The following CREBBP variants were observed in gnomAD, a reference collection of about 807,000 sequenced individuals.
CREBBP encodes the protein CREB binding lysine acetyltransferase.
In CREBBP, 19 loss-of-function variants were observed where a neutral mutation model predicts 265.0. The ratio of observed to expected loss-of-function variants is 0.07; its 90% confidence interval spans 0.05 to 0.11. The LOEUF is 0.11. Among genes scored for constraint, CREBBP ranks in the 10% least tolerant of loss-of-function variants. The pLI, the probability that CREBBP is intolerant of heterozygous loss-of-function variation, is 1.00. For missense variants in CREBBP, 2,525 were observed against 3,219.0 expected, an observed-to-expected ratio of 0.78 and a Z score of 5.22; for synonymous variants, 1,457 against 1,223.7, an observed-to-expected ratio of 1.19 and a Z score of -3.98.
chr16:3,796,588 T>C (rs1249214708), intron 3 of CREBBP, among the ~76,000 whole-genome samples: 1 of 152,062 alleles, frequency 6.6e-6, no homozygotes, highest in African/African-American at 2.4e-5. Flanking sequence ...GGTTTCACCA[T>C]GTTGGCCAAG....
chr16:3,832,894 G>GAA (rs201248707), intron 2 of CREBBP, among the ~76,000 whole-genome samples: 1 of 143,996 alleles, frequency 6.9e-6, no homozygotes, highest in African/African-American at 2.5e-5. Context: ...CACATTCAAA[G>GAA]AAAAAAAAAA....
At chr16:3,758,266 TA>T (rs1166100855) in intron 17 of CREBBP, among the ~76,000 whole-genome samples, 1 of 152,154 alleles carries the variant, frequency 6.6e-6, no homozygotes, top group Non-Finnish European at 1.5e-5. Flanking sequence ...GATCACATTA[TA>T]ATACTCCAAA....
Position 3,767,728 on chromosome 16 carries a change from C to T in CREBBP, c.3242G>A (p.Arg1081His), listed in dbSNP as rs780618828. The change falls in exon 16 of 31, where the codon CGC becomes CAC. Residue 1081 changes from arginine (R) to histidine (H), a missense_variant. This residue lies in a region of CREBBP where 548 missense variants were observed against 533.0 expected (regional missense o/e 1.03). Transcript: ENST00000262367. ...ASQSTSPSQP[R>H]KKIFKPEELR... ...ATGAATAAATGGCCTACTTTTTTTG[C>T]GCGGCTGCGAAGGAGATGTTGACTG... 3 of 1,614,130 alleles carry T rather than the reference C, an allele frequency of 1.9e-6. No homozygotes were observed. The highest frequency in any genetic ancestry group is 2.5e-6 in the Non-Finnish European group (3 of 1,179,998).
At chr16:3,744,374 G>A (rs2052290765) in intron 23 of CREBBP, among the ~76,000 whole-genome samples, 1 of 152,168 alleles carries the variant, frequency 6.6e-6, no homozygotes, top group Non-Finnish European at 1.5e-5. Flanking sequence ...AGGGGTCTTA[G>A]GTCTAAACCA....
At chr16:3,787,070 C>CAAAAAAAAAAAAAAAAAAAAAAAAAAAAA (rs757962926) in intron 5 of CREBBP, among the ~76,000 whole-genome samples, 1 of 86,994 alleles carries the variant, frequency 1.1e-5, no homozygotes. Context: ...GACTTCGTCT[C>CAAAAAAAAAAAAAAAAAAAAAAAAAAAAA]AAAAAAAAAA....
In CREBBP at chr16:3,767,884, G is replaced by T. The variant is rs2052895952; in HGVS notation, c.3086C>A (p.Ala1029Asp). The change falls in exon 16 of 31, where the codon GCT becomes GAT. Residue 1029 changes from alanine (A) to aspartate (D), a missense_variant. Physicochemically the swap from Ala to Asp is moderately radical, Grantham distance 126. This residue lies in a region of CREBBP where 548 missense variants were observed against 533.0 expected (regional missense o/e 1.03). Transcript: ENST00000262367. ...SEMMEEDLQG[A>D]SQVKEETDIA... ...GTCTGTTTCTTCTTTAACTTGGGAA[G>T]CTCCTTGCAAATCCTCCTCCATCAT... 2 of 1,614,078 alleles carry T rather than the reference G, an allele frequency of 1.2e-6. No homozygotes were observed. Among genetic ancestry groups the T allele is most frequent in the Non-Finnish European group, 1.7e-6 (2 of 1,180,006 alleles).
intron 3 of CREBBP, among the ~76,000 whole-genome samples, chr16:3,803,315 G>A (rs921082425): frequency 3.6e-5 from 4 of 111,650 alleles, no homozygotes; most frequent in Non-Finnish European, 5.1e-5. Flanking sequence ...GACCAGCCTG[G>A]CCAACATGCC....
chr16:3,790,765 A>T (rs1347695734), intron 5 of CREBBP, among the ~76,000 whole-genome samples: 1 of 152,194 alleles, frequency 6.6e-6, no homozygotes, highest in Non-Finnish European at 1.5e-5. Flanking sequence ...CTTTAAAGGA[A>T]GCAGGGTCAG....
chr16:3,859,513 C>T (rs2055029778), intron 1 of CREBBP, among the ~76,000 whole-genome samples: 1 of 152,152 alleles, frequency 6.6e-6, no homozygotes, highest in African/African-American at 2.4e-5. Context: ...TTTTCGTATG[C>T]TCACGAATTG....
intron 2 of CREBBP, among the ~76,000 whole-genome samples, chr16:3,820,519 A>G (rs111733013): frequency 1.3e-5 from 2 of 152,334 alleles, no homozygotes; most frequent in Admixed American, 1.3e-4. Flanking sequence ...CCCTGGAAGG[A>G]TAAGTCCTAA....
chr16:3,761,877 A>C (rs1285703406), intron 16 of CREBBP, among the ~76,000 whole-genome samples: 1 of 152,220 alleles, frequency 6.6e-6, no homozygotes, highest in Admixed American at 6.5e-5. Flanking sequence ...TATGTAACAA[A>C]TAGCCTTTTG....
intron 2 of CREBBP, among the ~76,000 whole-genome samples, chr16:3,845,954 T>G (rs1597044465): frequency 6.6e-6 from 1 of 150,782 alleles, no homozygotes; most frequent in East Asian, 1.9e-4. Context: ...TCTTAATTTT[T>G]TAATAGGAAA....
intron 1 of CREBBP, among the ~76,000 whole-genome samples, chr16:3,870,135 T>C (rs2055264107): frequency 1.3e-5 from 2 of 151,966 alleles, no homozygotes; most frequent in South Asian, 4.1e-4. Context: ...CGGGGTAACT[T>C]TTACTTATAA....
In CREBBP at chr16:3,836,348, C is replaced by T. The variant is rs1005151184; in HGVS notation, c.798+13949G>A. Among the ~76,000 whole-genome samples, 51 of 150,360 alleles carry T rather than the reference C, an allele frequency of 3.4e-4. 1 individual carries two copies. Among genetic ancestry groups the T allele is most frequent in the Middle Eastern group, 3.4e-3 (1 of 294 alleles). On this transcript the variant is annotated intron_variant, in intron 2 of 30. Transcript: ENST00000262367. ...ACTCGGGAGGCTGAGGTAGGAGAATCGCTTGAACCCATGAGGTGGAGGTTG... is the reference window on the plus strand; with the variant it reads ...ACTCGGGAGGCTGAGGTAGGAGAATTGCTTGAACCCATGAGGTGGAGGTTG...
rs1381122976 is a variant in CREBBP, at chr16:3,745,129, G to C, written c.3914+148C>G. On this transcript the variant is annotated intron_variant, in intron 22 of 30. Coordinates refer to ENST00000262367, the MANE Select transcript of CREBBP (RefSeq NM_004380.3). ...TCCACAATTCCTAAAGCGGACAAAC[G>C]CTTAGAACTTAAATTTAGAACCAAC... 20 of 929,272 alleles carry C rather than the reference G, an allele frequency of 2.2e-5. No individual in the cohort carries two copies. In the South Asian group the frequency reaches 2.5e-4, roughly 12 times the overall value. The allele number at this position is 929,272 out of a possible 1,614,324, so 57.6% of individuals were successfully genotyped here.
intron 13 of CREBBP, among the ~76,000 whole-genome samples, chr16:3,771,668 A>G (rs2141207426): frequency 6.6e-6 from 1 of 152,090 alleles, no homozygotes; most frequent in South Asian, 2.1e-4. Flanking sequence ...CAAGGTGGAC[A>G]CTCAGTGACT....
intron 16 of CREBBP, among the ~76,000 whole-genome samples, chr16:3,762,904 C>G (rs562809520): frequency 6.6e-6 from 1 of 151,804 alleles, no homozygotes; most frequent in Non-Finnish European, 1.5e-5. Flanking sequence ...CCTCCCGAGT[C>G]GCTGGGACTA....
intron 2 of CREBBP, among the ~76,000 whole-genome samples, chr16:3,817,380 T>TA (rs1281989886): frequency 1.3e-5 from 2 of 152,198 alleles, no homozygotes; most frequent in Non-Finnish European, 2.9e-5. Flanking sequence ...CTTGTAATGA[T>TA]ATGACAGCTA....
chr16:3,753,898 A>T (rs183201992), intron 19 of CREBBP, among the ~76,000 whole-genome samples: 38 of 152,334 alleles, frequency 2.5e-4, no homozygotes, highest in Non-Finnish European at 4.4e-5. Context: ...AGGTGAGTCT[A>T]AATGGTTTTA....
Sources: gnomAD v4.1 joint callset for allele counts (sites outside exome capture counted in the v4.1 genomes callset) on GRCh38, gnomAD v4.1.1 for gene constraint, gnomAD v4.1.1 regional missense constraint, MANE v1.5 for transcripts, NCBI Gene and HGNC (gene_info 2026-07-23, HGNC 2026-07-21) for gene names.